Variants in SHISA9 observed in about 807,000 individuals in gnomAD.
SHISA9 encodes the protein protein shisa-9.
Under a neutral mutation model 38.0 loss-of-function variants are expected in SHISA9, and 13 were observed. That is an observed-to-expected ratio of 0.34 (90% CI 0.22 to 0.54). SHISA9 has a LOEUF of 0.54. Among genes scored for constraint, SHISA9 ranks in the 20% least tolerant of loss-of-function variants. The pLI is 0.91. For synonymous variants in SHISA9, 275 were observed against 242.0 expected, an observed-to-expected ratio of 1.14 and a Z score of -1.27; for missense variants, 538 against 575.8, an observed-to-expected ratio of 0.93 and a Z score of 0.67.
At chr16:13,146,726 G>A (rs867910336) in intron 2 of SHISA9, among the ~76,000 whole-genome samples, 24 of 152,264 alleles carry the variant, frequency 1.6e-4, no homozygotes, top group South Asian at 4.2e-4. Flanking sequence ...ACATCTTAAC[G>A]TTGTCAGAAT....
chr16:13,042,008 G>A (rs539773539), intron 2 of SHISA9, among the ~76,000 whole-genome samples: 1 of 152,304 alleles, frequency 6.6e-6, no homozygotes, highest in South Asian at 2.1e-4. Flanking sequence ...AGAGGCAAAG[G>A]GGATTTTGAG....
chr16:13,261,728 G>A, the SHISA9 span, among the ~76,000 whole-genome samples: 1 of 152,198 alleles, frequency 6.6e-6, no homozygotes, highest in Non-Finnish European at 1.5e-5. Flanking sequence ...GCCATGTGCT[G>A]AGGGTACATC....
intron 2 of SHISA9, among the ~76,000 whole-genome samples, chr16:13,003,958 A>C (rs865801230): frequency 6.6e-6 from 1 of 152,186 alleles, no homozygotes; most frequent in Non-Finnish European, 1.5e-5. Flanking sequence ...TAATGTGCCT[A>C]GGCTAAGCTA....
At chr16:13,229,512 C>G (rs1016822364) in intron 4 of SHISA9, among the ~76,000 whole-genome samples, 1 of 152,158 alleles carries the variant, frequency 6.6e-6, no homozygotes, top group Non-Finnish European at 1.5e-5. Context: ...GTTCTCAACC[C>G]TGGCTGCATA....
At chr16:13,414,789 G>A in the SHISA9 span, among the ~76,000 whole-genome samples, 17 of 151,856 alleles carry the variant, frequency 1.1e-4, no homozygotes, top group Non-Finnish European at 2.1e-4. Context: ...GCGCCACCAC[G>A]TCTGGCTAAT....
the SHISA9 span, among the ~76,000 whole-genome samples, chr16:13,420,195 G>A: frequency 8.2e-6 from 1 of 122,408 alleles, no homozygotes; most frequent in Non-Finnish European, 1.6e-5. Context: ...GCCCTGAGCG[G>A]AGATCGCACC....
intron 2 of SHISA9, among the ~76,000 whole-genome samples, chr16:13,194,031 C>T (rs2050913271): frequency 6.6e-6 from 1 of 152,130 alleles, no homozygotes; most frequent in Admixed American, 6.5e-5. Flanking sequence ...CATCTGAAAC[C>T]CAAAGAGGGA....
chr16:13,193,470 G>A (rs2142043201), intron 2 of SHISA9, among the ~76,000 whole-genome samples: 2 of 152,192 alleles, frequency 1.3e-5, no homozygotes, highest in South Asian at 4.2e-4. Flanking sequence ...TCCTGCCTCA[G>A]CCTCCCGAGT....
chr16:13,100,314 T>A lies in SHISA9; in HGVS notation c.692-103080T>A, dbSNP rs935345082. On this transcript the variant is annotated intron_variant, in intron 2 of 4. Coordinates refer to ENST00000558583, the MANE Select transcript of SHISA9 (RefSeq NM_001145204.3). ...ATTTGGGCTTTGTTTTATTTTATTT[T>A]ATTTATTTTTTTGAGTAGGTCAATT... Among the ~76,000 whole-genome samples the A allele has an allele frequency of 2.6e-5, 4 of 152,182 alleles. No individual in the cohort carries two copies. In the South Asian group the frequency reaches 8.3e-4, roughly 31 times the overall value.
chr16:13,193,653 C>G (rs1278003621), intron 2 of SHISA9, among the ~76,000 whole-genome samples: 1 of 152,144 alleles, frequency 6.6e-6, no homozygotes, highest in Non-Finnish European at 1.5e-5. Context: ...GCCAATTTGG[C>G]CTTTCTGAGC....
intron 2 of SHISA9, among the ~76,000 whole-genome samples, chr16:12,991,781 C>T (rs1192675273): frequency 1.3e-5 from 2 of 151,952 alleles, no homozygotes; most frequent in Non-Finnish European, 2.9e-5. Flanking sequence ...CAAAAGCATC[C>T]ACCTTGTAGC....
chr16:13,182,013 G>T (rs1331587249), intron 2 of SHISA9, among the ~76,000 whole-genome samples: 1 of 152,178 alleles, frequency 6.6e-6, no homozygotes, highest in Non-Finnish European at 1.5e-5. Context: ...ACGTGGGGAG[G>T]CAGAAATCGT....
At chr16:12,911,413 C>T (rs2071181958) in intron 1 of SHISA9, 1 of 979,670 alleles carries the variant, frequency 1.0e-6, no homozygotes, top group Middle Eastern at 5.3e-4. Context: ...TTGTATGCAC[C>T]CCAATATATG....
At chr16:13,529,723 C>T in the SHISA9 span, among the ~76,000 whole-genome samples, 17 of 152,286 alleles carry the variant, frequency 1.1e-4, no homozygotes, top group African/African-American at 4.1e-4. Flanking sequence ...AAAAACAACA[C>T]CAACCTATAG....
chr16:12,909,465 C>G, intron 1 of SHISA9: 3 of 985,382 alleles, frequency 3.0e-6, no homozygotes, highest in Non-Finnish European at 3.6e-6. Flanking sequence ...AAGCAAGATA[C>G]CGGGACTCTG....
intron 2 of SHISA9, among the ~76,000 whole-genome samples, chr16:13,052,072 A>C (rs1200420310): frequency 6.6e-6 from 1 of 152,198 alleles, no homozygotes; most frequent in Non-Finnish European, 1.5e-5. Flanking sequence ...CTAGCATTTA[A>C]AAATTTTAAT....
At chr16:13,250,754 C>G in the SHISA9 span, among the ~76,000 whole-genome samples, 10 of 152,084 alleles carry the variant, frequency 6.6e-5, no homozygotes, top group Non-Finnish European at 1.2e-4. Context: ...GCCCTGGAAG[C>G]AGACTCTGTT....
chr16:13,082,545 C>G (rs1567206235), intron 2 of SHISA9: 1 of 152,196 alleles, frequency 6.6e-6, no homozygotes, highest in African/African-American at 2.4e-5. Context: ...GGCATTCTCT[C>G]TCTTTCTCTT....
chr16:13,496,868 A>T, the SHISA9 span, among the ~76,000 whole-genome samples: 1 of 152,208 alleles, frequency 6.6e-6, no homozygotes, highest in African/African-American at 2.4e-5. Context: ...CTATCTATAT[A>T]TAAAGATTTG....
Sources: gnomAD v4.1 joint callset for allele counts (sites outside exome capture counted in the v4.1 genomes callset) on GRCh38, gnomAD v4.1.1 for gene constraint, MANE v1.5 for transcripts, NCBI Gene and HGNC (gene_info 2026-07-23, HGNC 2026-07-21) for gene names.